Variants in MACROD2 observed in about 807,000 individuals in gnomAD.
The protein encoded by MACROD2 is ADP-ribose glycohydrolase MACROD2.
A neutral mutation model predicts 70.4 loss-of-function variants in MACROD2; 36 were observed. That is an observed-to-expected ratio of 0.51 (90% CI 0.39 to 0.68). The LOEUF (loss-of-function observed/expected upper bound fraction) is 0.68. Ranked by LOEUF, MACROD2 falls within the 30% of genes least tolerant of loss-of-function variation. MACROD2 has a pLI of 0.00. For missense variants in MACROD2, 496 were observed against 538.4 expected (o/e 0.92, Z 0.78); for synonymous variants, 172 against 178.8 (o/e 0.96, Z 0.30).
At chr20:15,937,701 T>C (rs2065686552) in intron 12 of MACROD2, among the ~76,000 whole-genome samples, 157 bp downstream of exon 12, 1 of 151,020 alleles carries the variant, frequency 6.6e-6, no homozygotes. Context: ...TACTCTCTTT[T>C]ATTGCATACC....
At chr20:14,424,750 G>T (rs1041438369) in intron 3 of MACROD2, among the ~76,000 whole-genome samples, 1 of 152,166 alleles carries the variant, frequency 6.6e-6, no homozygotes, top group Non-Finnish European at 1.5e-5. Flanking sequence ...CATCCCTGGA[G>T]CCCCAATCTA....
intron 5 of MACROD2, among the ~76,000 whole-genome samples, chr20:14,816,850 G>A (rs1035822749): frequency 4.6e-5 from 7 of 151,522 alleles, no homozygotes; most frequent in Admixed American, 4.6e-4. Flanking sequence ...AAACACAATT[G>A]AATTTGAGTT....
At chr20:15,053,033 C>G (rs77846257) in intron 5 of MACROD2, among the ~76,000 whole-genome samples, 3 of 152,200 alleles carry the variant, frequency 2.0e-5, no homozygotes, top group Non-Finnish European at 4.4e-5. Flanking sequence ...CGCCCTAACT[C>G]TCTTCAGTTC....
chr20:15,590,997 GAC>G (rs1464567975), intron 8 of MACROD2, among the ~76,000 whole-genome samples: 1 of 151,766 alleles, frequency 6.6e-6, no homozygotes, highest in African/African-American at 2.4e-5. Context: ...GAGAGAGAGA[GAC>G]AGAGAGAGAA....
At chr20:14,718,066 G>A (rs2071417099) in intron 5 of MACROD2, among the ~76,000 whole-genome samples, 1 of 151,924 alleles carries the variant, frequency 6.6e-6, no homozygotes, top group Non-Finnish European at 1.5e-5. Context: ...AGCCCAAGGT[G>A]GGCAGATCAT....
intron 5 of MACROD2, among the ~76,000 whole-genome samples, chr20:15,220,374 C>T (rs181513322): frequency 1.6e-4 from 25 of 152,338 alleles, no homozygotes; most frequent in African/African-American, 5.1e-4. Flanking sequence ...GTGGGAAACA[C>T]AGACATAGAT....
chr20:15,423,594 T>A (rs1255146257), intron 6 of MACROD2, among the ~76,000 whole-genome samples: 1 of 151,810 alleles, frequency 6.6e-6, no homozygotes, highest in African/African-American at 2.4e-5. Flanking sequence ...GTGTGTAGAC[T>A]GCTGTCTTCT....
chr20:15,525,191 A>G (rs1338547929), intron 8 of MACROD2, among the ~76,000 whole-genome samples: 1 of 152,200 alleles, frequency 6.6e-6, no homozygotes, highest in Non-Finnish European at 1.5e-5. Context: ...AACTCTTGTT[A>G]CCTCTTGCAC....
chr20:14,657,784 A>G (rs1168768656), intron 4 of MACROD2, among the ~76,000 whole-genome samples: 1 of 152,172 alleles, frequency 6.6e-6, no homozygotes, highest in Non-Finnish European at 1.5e-5. Flanking sequence ...CTAGGGAATT[A>G]CCCGTCTTTA....
At chr20:14,500,594 C>T (rs765348605) in intron 4 of MACROD2, among the ~76,000 whole-genome samples, 1 of 152,180 alleles carries the variant, frequency 6.6e-6, no homozygotes, top group African/African-American at 2.4e-5. Flanking sequence ...GTTCAAAATC[C>T]AAGCCATGCA....
intron 4 of MACROD2, among the ~76,000 whole-genome samples, chr20:14,569,311 G>A (rs1470167547): frequency 6.6e-6 from 1 of 151,854 alleles, no homozygotes; most frequent in African/African-American, 2.4e-5. Flanking sequence ...TCAGTTAATT[G>A]TATTTCTTCT....
chr20:14,095,331 A>G (rs753311067), intron 3 of MACROD2, among the ~76,000 whole-genome samples: 34 of 152,318 alleles, frequency 2.2e-4, no homozygotes, highest in Non-Finnish European at 4.3e-4. Context: ...ACAGCCATAG[A>G]GGATAGGAAA....
At chr20:15,831,815 C>T (rs2147117729) in intron 8 of MACROD2, among the ~76,000 whole-genome samples, 1 of 152,278 alleles carries the variant, frequency 6.6e-6, no homozygotes, top group South Asian at 2.1e-4. Flanking sequence ...AAAGCCAGTC[C>T]AGTGTCCCTG....
At chr20:15,146,308 C>T (rs420216) in intron 5 of MACROD2, among the ~76,000 whole-genome samples, 89,630 of 151,870 alleles carry the variant, frequency 0.59, 26,571 homozygotes, top group East Asian at 0.65. Context: ...TTGCATCATA[C>T]GGAGTATCTG....
chr20:15,523,324 G>A (rs1289185919), intron 8 of MACROD2, among the ~76,000 whole-genome samples: 1 of 152,166 alleles, frequency 6.6e-6, no homozygotes. Context: ...ATGTAAATCT[G>A]TGAAGAAAAG....
chr20:14,284,768 T>G (rs2082331169), intron 3 of MACROD2, among the ~76,000 whole-genome samples: 1 of 152,230 alleles, frequency 6.6e-6, no homozygotes, highest in Admixed American at 6.5e-5. Flanking sequence ...TTTGATTTTA[T>G]GTTGGCCTAA....
At position 14,363,384 on chromosome 20, in the gene MACROD2, ATTTTGGTCCTAAAACATGCCGTTCTAAC is replaced by A. The variant is rs1472494504; in HGVS notation, c.272-130094_272-130067del. On this transcript the variant is annotated intron_variant, in intron 3 of 17. Coordinates refer to ENST00000684519, the MANE Select transcript of MACROD2 (RefSeq NM_001351661.2). Reference sequence around the variant, plus strand: ...AAAGAGGTGATATATGAACAAAGGCATTTTGGTCCTAAAACATGCCGTTCTAACCATCTCAATATACTGCCTACGTTAT... The same window carrying A: ...AAAGAGGTGATATATGAACAAAGGCACATCTCAATATACTGCCTACGTTAT... 8.5e-5 allele frequency among the ~76,000 whole-genome samples: 13 copies of A among 152,230 alleles called. No individual in the cohort carries two copies. The South Asian group carries it at 1.2e-3, about 15-fold the overall frequency.
At chr20:15,474,746 T>C (rs78385751) in intron 7 of MACROD2, among the ~76,000 whole-genome samples, 1 of 152,196 alleles carries the variant, frequency 6.6e-6, no homozygotes, top group East Asian at 1.9e-4. Context: ...TAGTTCGTTC[T>C]TAGGGGTCAG....
At chr20:14,282,657 A>G (rs2082315582) in intron 3 of MACROD2, among the ~76,000 whole-genome samples, 1 of 152,178 alleles carries the variant, frequency 6.6e-6, no homozygotes, top group Admixed American at 6.5e-5. Flanking sequence ...GCTTTGTGGG[A>G]AGCGTGGTGC....
Sources: gnomAD v4.1 joint callset for allele counts (sites outside exome capture counted in the v4.1 genomes callset) on GRCh38, gnomAD v4.1.1 for gene constraint, MANE v1.5 for transcripts, NCBI Gene and HGNC (gene_info 2026-07-23, HGNC 2026-07-21) for gene names.